The following SLC22A3 variants were observed in gnomAD, a reference collection of about 807,000 sequenced individuals.
The protein encoded by SLC22A3 is solute carrier family 22 member 3.
SLC22A3 carries 51 observed loss-of-function variants against 59.1 expected under a neutral mutation model. The observed-to-expected ratio is 0.86, with a 90% CI of 0.69 to 1.09. SLC22A3 has a LOEUF of 1.09. Ranked by LOEUF, SLC22A3 falls within the 50% of genes least tolerant of loss-of-function variation. The pLI is 0.00. For missense variants in SLC22A3, 711 were observed against 726.3 expected (o/e 0.98, Z 0.24); for synonymous variants, 325 against 292.0 (o/e 1.11, Z -1.15).
intron 1 of SLC22A3, among the ~76,000 whole-genome samples, chr6:160,372,325 C>A (rs980908208): frequency 6.6e-6 from 1 of 152,162 alleles, no homozygotes; most frequent in African/African-American, 2.4e-5. Flanking sequence ...AATACTGGCC[C>A]CCACTCTCTT....
chr6:160,391,698 T>C (rs1257125633), intron 1 of SLC22A3, among the ~76,000 whole-genome samples: 1 of 152,202 alleles, frequency 6.6e-6, no homozygotes, highest in Non-Finnish European at 1.5e-5. Context: ...ATTGTAAACA[T>C]TTTAAGATGC....
chr6:160,375,949 T>C (rs1293771944), intron 1 of SLC22A3, among the ~76,000 whole-genome samples: 1 of 152,172 alleles, frequency 6.6e-6, no homozygotes. Flanking sequence ...TTCTCACCTG[T>C]AGAATGAGGA....
At chr6:160,386,116 T>C in intron 1 of SLC22A3, among the ~76,000 whole-genome samples, 1 of 152,242 alleles carries the variant, frequency 6.6e-6, no homozygotes, top group East Asian at 1.9e-4. Flanking sequence ...CTTGAGCACC[T>C]TGAGCACGGG....
At chr6:160,431,690 T>C (rs539024128) in intron 5 of SLC22A3, among the ~76,000 whole-genome samples, 96 of 152,356 alleles carry the variant, frequency 6.3e-4, no homozygotes, top group African/African-American at 2.1e-3. Context: ...CAGGTATTTT[T>C]ATGGAGTGGA....
At chr6:160,379,354 T>G (rs1785714585) in intron 1 of SLC22A3, among the ~76,000 whole-genome samples, 1 of 152,178 alleles carries the variant, frequency 6.6e-6, no homozygotes, top group South Asian at 2.1e-4. Flanking sequence ...CTGCCCAATA[T>G]CACTTTCTCT....
At chr6:160,368,162 C>A (rs1435243355) in intron 1 of SLC22A3, among the ~76,000 whole-genome samples, 3 of 152,140 alleles carry the variant, frequency 2.0e-5, no homozygotes, top group Non-Finnish European at 2.9e-5. Flanking sequence ...ACCCTCTCCC[C>A]CTACTCTTAG....
chr6:160,422,415 G>C (rs1787775621), intron 5 of SLC22A3, among the ~76,000 whole-genome samples: 2 of 152,196 alleles, frequency 1.3e-5, no homozygotes, highest in South Asian at 4.1e-4. Flanking sequence ...TTAAAATTAA[G>C]ATCCATCTCA....
At chr6:160,366,157 C>T (rs1287605648) in intron 1 of SLC22A3, among the ~76,000 whole-genome samples, 1 of 152,224 alleles carries the variant, frequency 6.6e-6, no homozygotes, top group Non-Finnish European at 1.5e-5. Context: ...GCCTTCCCAA[C>T]AGTCCCCCAA....
intron 2 of SLC22A3, among the ~76,000 whole-genome samples, chr6:160,404,051 T>A (rs533788187): frequency 2.4e-4 from 36 of 152,168 alleles, no homozygotes; most frequent in Non-Finnish European, 3.4e-4. Context: ...TTCAATGCCA[T>A]GCTAGAAGCC....
At chr6:160,406,702 CCTT>C (rs2114851024) in intron 2 of SLC22A3, among the ~76,000 whole-genome samples, 1 of 152,312 alleles carries the variant, frequency 6.6e-6, no homozygotes, top group East Asian at 1.9e-4. Flanking sequence ...ACACACCATT[CCTT>C]CTTCTTTCTG....
intron 5 of SLC22A3, among the ~76,000 whole-genome samples, chr6:160,426,629 T>G (rs1787963364): frequency 6.6e-6 from 1 of 152,234 alleles, no homozygotes; most frequent in African/African-American, 2.4e-5. Context: ...GTGTTTTAAG[T>G]GTCTACCCAA....
At chr6:160,374,099 G>C (rs1285033788) in intron 1 of SLC22A3, among the ~76,000 whole-genome samples, 3 of 152,222 alleles carry the variant, frequency 2.0e-5, no homozygotes, top group Non-Finnish European at 4.4e-5. Context: ...CCAAATGGCT[G>C]CCCAGTTTTG....
intron 1 of SLC22A3, among the ~76,000 whole-genome samples, chr6:160,364,314 A>G (rs1014899992): frequency 7.2e-5 from 11 of 152,218 alleles, no homozygotes; most frequent in African/African-American, 2.7e-4. Context: ...AGAGCTTTTC[A>G]ATACTGCTGC....
At chr6:160,449,350 G>T (rs1788865148) in intron 10 of SLC22A3, among the ~76,000 whole-genome samples, 1 of 151,912 alleles carries the variant, frequency 6.6e-6, no homozygotes, top group East Asian at 1.9e-4. Flanking sequence ...AAGGTACCCA[G>T]ATTCTTTCTA....
chr6:160,416,619 C>T (rs1787506926), intron 5 of SLC22A3, among the ~76,000 whole-genome samples: 1 of 152,248 alleles, frequency 6.6e-6, no homozygotes, highest in East Asian at 1.9e-4. Context: ...TCTGCCCTGG[C>T]CACACCCTCT....
At chr6:160,355,696 C>T (rs1324775201) in intron 1 of SLC22A3, among the ~76,000 whole-genome samples, 2 of 151,986 alleles carry the variant, frequency 1.3e-5, no homozygotes, top group South Asian at 2.1e-4. Flanking sequence ...GGCGTGAACC[C>T]GGGAGGCGGA....
At chr6:160,388,501 A>C (rs1004593288) in intron 1 of SLC22A3, among the ~76,000 whole-genome samples, 14 of 152,338 alleles carry the variant, frequency 9.2e-5, no homozygotes, top group African/African-American at 2.9e-4. Context: ...CAGGAACCAC[A>C]CTTTGAGAAC....
intron 1 of SLC22A3, among the ~76,000 whole-genome samples, chr6:160,353,250 T>C (rs1784721167): frequency 6.6e-6 from 1 of 152,172 alleles, no homozygotes; most frequent in Admixed American, 6.5e-5. Context: ...ACAAGGAAAA[T>C]ATTTACAATA....
intron 3 of SLC22A3, among the ~76,000 whole-genome samples, chr6:160,407,408 T>C (rs1038832008): frequency 2.0e-5 from 3 of 152,196 alleles, no homozygotes; most frequent in Non-Finnish European, 2.9e-5. Flanking sequence ...GAGCCAAATA[T>C]AGAATATTAT....
Sources: allele counts gnomAD v4.1 joint callset (sites outside exome capture counted in the v4.1 genomes callset), GRCh38; gene constraint gnomAD v4.1.1; transcripts MANE v1.5; gene names NCBI Gene and HGNC (gene_info 2026-07-23, HGNC 2026-07-21).